The following ATP6V1B1 variants were observed in gnomAD, a reference collection of about 807,000 sequenced individuals.
The protein encoded by ATP6V1B1 is ATPase H+ transporting V1 subunit B1.
ATP6V1B1 carries 41 observed loss-of-function variants against 62.1 expected under a neutral mutation model. The observed-to-expected ratio is 0.66, with a 90% CI of 0.51 to 0.86. The LOEUF (loss-of-function observed/expected upper bound fraction) is 0.86, where lower values mean the gene tolerates loss of function less well. ATP6V1B1 is among the 40% of genes least tolerant of loss of function. The pLI is 0.00. For missense variants in ATP6V1B1, 651 were observed against 697.5 expected (o/e 0.93, Z 0.75); for synonymous variants, 253 against 273.4 (o/e 0.93, Z 0.74).
intron 2 of ATP6V1B1, among the ~76,000 whole-genome samples, chr2:70,946,467 C>T (rs1680177225): frequency 1.3e-5 from 2 of 152,218 alleles, no homozygotes; most frequent in Admixed American, 1.3e-4. Context: ...GGCTCCACCT[C>T]AGACTGACAG....
chr2:70,961,930 A>C, intron 8 of ATP6V1B1: 1 of 569,660 alleles, frequency 1.8e-6, no homozygotes, highest in Non-Finnish European at 3.2e-6. Flanking sequence ...CTCTTCCCAC[A>C]ACCCATGTCC....
At chr2:70,955,219 C>T (rs190337804) in intron 2 of ATP6V1B1, among the ~76,000 whole-genome samples, 218 of 152,222 alleles carry the variant, frequency 1.4e-3, no homozygotes, top group African/African-American at 4.9e-3. Context: ...CCCAGGCTGA[C>T]GTGGGACATG....
chr2:70,937,808 G>A lies in ATP6V1B1; in HGVS notation c.118+1736G>A, dbSNP rs144271351. The stretch of plus-strand genomic sequence containing the variant: ...TACCATCTAACCCCACACTCCTCTG[G>A]GCAGGTTGGCCCAAGCCTGGAGCCA... On this transcript the variant is annotated intron_variant, in intron 1 of 13. Transcript: ENST00000234396. Among the ~76,000 whole-genome samples the A allele has an allele frequency of 7.5e-3, 1,145 of 152,082 alleles. 8 individuals carry two copies. The highest frequency in any genetic ancestry group is 0.017 in the Middle Eastern group (5 of 294).
rs1680520428 is a variant in ATP6V1B1, at chr2:70,959,215, T to G, written c.445+120T>G. On this transcript the variant is annotated intron_variant, in intron 5 of 13. Coordinates refer to ENST00000234396, the MANE Select transcript of ATP6V1B1 (RefSeq NM_001692.4). This position sits in a 1 kb window ranked among gnomAD's most constrained non-coding sequence, Gnocchi z 4.2. The stretch of plus-strand genomic sequence containing the variant: ...GTGATGGGAGAGCAGCAAAGGCCTC[T>G]CTATCCCCAAATCTTCCACTGAACC... 9.3e-7 allele frequency: 1 copy of G among 1,072,794 alleles called. No individual in the cohort carries two copies. The highest frequency in any genetic ancestry group is 1.6e-5 in the African/African-American group (1 of 64,202). 66.5% of individuals were successfully genotyped at this position (1,072,794 alleles called of 1,614,324 possible). A position where few individuals can be genotyped will look rare whatever the true frequency, so the allele number is the denominator to read the frequency against.
chr2:70,958,938 G>A, intron 4 of ATP6V1B1, 80 bp from the exon 5 acceptor site: 1 of 1,388,490 alleles, frequency 7.2e-7, no homozygotes, highest in Non-Finnish European at 1.0e-6. Flanking sequence ...GTGGGAGCTG[G>A]TGGTGGTGTG....
chr2:70,965,240 G>A lies in ATP6V1B1; in HGVS notation c.*119G>A, dbSNP rs1680697498. 4 of 1,423,120 alleles carry A rather than the reference G, an allele frequency of 2.8e-6. No homozygotes were observed. Among genetic ancestry groups the A allele is most frequent in the Non-Finnish European group, 3.8e-6 (4 of 1,043,490 alleles). 88.2% of individuals were successfully genotyped at this position (1,423,120 alleles called of 1,614,324 possible). A position where few individuals can be genotyped will look rare whatever the true frequency, so the allele number is the denominator to read the frequency against. ...CCGCCCTCCGCCCTCCGCTGGCTCC[G>A]AGGTGGTGGGGGCGCCGCACGCTCC... is the stretch of plus-strand genomic sequence containing the variant. On this transcript the variant is annotated 3_prime_UTR_variant, in exon 14 of 14. Transcript: ENST00000234396.
Position 70,941,047 on chromosome 2 carries a change from G to A in ATP6V1B1, c.119-2611G>A, listed in dbSNP as rs114287584. 4.1e-3 allele frequency: 2,177 copies of A among 529,636 alleles called. 53 individuals are homozygous for A. The African/African-American group carries it at 0.042, about 10-fold the overall frequency. The allele number at this position is 529,636 out of a possible 1,614,324, so 32.8% of individuals were successfully genotyped here. On this transcript the variant is annotated intron_variant, in intron 1 of 13. Coordinates refer to ENST00000234396, the MANE Select transcript of ATP6V1B1 (RefSeq NM_001692.4). ...ATCCTCCCACCTCAGCCTCCTGAGA[G>A]CTGGGACCACAGGCACGTTCCACCA...
chr2:70,945,411 C>T lies in ATP6V1B1; in HGVS notation c.174+1698C>T, dbSNP rs551163683. Among the ~76,000 whole-genome samples the T allele has an allele frequency of 1.5e-4, 23 of 152,116 alleles. No individual in the cohort carries two copies. The South Asian group carries it at 4.8e-3, about 32-fold the overall frequency. On this transcript the variant is annotated intron_variant, in intron 2 of 13. Coordinates refer to ENST00000234396, the MANE Select transcript of ATP6V1B1 (RefSeq NM_001692.4). ...ACTTTCCCATTCAAGATCACAGAAG[C>T]CCTGAGTTCTCTCTGTAGACTCTGA...
intron 1 of ATP6V1B1, chr2:70,940,593 G>A: frequency 1.0e-6 from 1 of 985,446 alleles, no homozygotes; most frequent in Non-Finnish European, 1.2e-6. Flanking sequence ...TTGATGGGAA[G>A]GGTAATGCCC....
chr2:70,962,196 C>G (rs1461204487), intron 8 of ATP6V1B1, among the ~76,000 whole-genome samples: 2 of 152,144 alleles, frequency 1.3e-5, no homozygotes, highest in Non-Finnish European at 2.9e-5. Context: ...CTGAGAGTGT[C>G]TGAAGCTGAG....
intron 1 of ATP6V1B1, among the ~76,000 whole-genome samples, chr2:70,939,156 C>T (rs1394824309): frequency 1.3e-5 from 2 of 152,258 alleles, no homozygotes; most frequent in East Asian, 3.8e-4. Context: ...TGTGGCTGGG[C>T]CAGCGCTAAT....
At chr2:70,952,756 T>C (rs1295423674) in intron 2 of ATP6V1B1, among the ~76,000 whole-genome samples, 1 of 152,186 alleles carries the variant, frequency 6.6e-6, no homozygotes, top group East Asian at 1.9e-4. Flanking sequence ...GTTTTCCTTT[T>C]GGCTCTATCT....
intron 1 of ATP6V1B1, chr2:70,938,707 G>A: frequency 1.0e-6 from 1 of 985,426 alleles, no homozygotes; most frequent in South Asian, 4.7e-5. Flanking sequence ...CGTGGAGCTA[G>A]AATGGTTCCC....
intron 2 of ATP6V1B1, among the ~76,000 whole-genome samples, chr2:70,950,911 T>C (rs1553418200): frequency 6.6e-6 from 1 of 150,790 alleles, no homozygotes; most frequent in East Asian, 1.9e-4. Flanking sequence ...TGTGTGACTG[T>C]GTGTGCATAA....
rs782357286 is a variant in ATP6V1B1, at chr2:70,963,616, G to A, written c.1105G>A (p.Gly369Arg). 4 of 1,614,028 alleles carry A rather than the reference G, an allele frequency of 2.5e-6. No homozygotes were observed. Among genetic ancestry groups the A allele is most frequent in the African/African-American group, 1.3e-5 (1 of 74,890 alleles). ...AGACTTGACGGGCTTCATCACAGAG[G>A]GACAGATCTACGTGGACAGACAGCT... ...IPDLTGFITEGQIYVDRQLHN... is the reference protein window; with the variant it reads ...IPDLTGFITERQIYVDRQLHN... The change falls in exon 11 of 14, where the codon GGA (glycine) becomes AGA (arginine). Residue 369 changes from glycine (G) to arginine (R), a missense_variant. Coordinates refer to ENST00000234396, the MANE Select transcript of ATP6V1B1 (RefSeq NM_001692.4). The surrounding 1 kb of genome is among the most constrained non-coding windows in gnomAD (Gnocchi z 4.3).
At chr2:70,950,933 T>A (rs1553418203) in intron 2 of ATP6V1B1, among the ~76,000 whole-genome samples, 1 of 48,878 alleles carries the variant, frequency 2.0e-5, no homozygotes, top group East Asian at 4.3e-4. Flanking sequence ...TTTTTCCTGA[T>A]TTTTTTTTTT....
chr2:70,964,112 G>GTTTTTTTTTTTTTTTTTTT (rs1330555546), intron 11 of ATP6V1B1: 3 of 157,310 alleles, frequency 1.9e-5, no homozygotes, highest in African/African-American at 1.6e-4. Flanking sequence ...TGCTTGGCAG[G>GTTTTTTTTTTTTTTTTTTT]TATTTTTTTT....
At chr2:70,947,292 C>G (rs1429340152) in intron 2 of ATP6V1B1, among the ~76,000 whole-genome samples, 1 of 152,142 alleles carries the variant, frequency 6.6e-6, no homozygotes, top group Non-Finnish European at 1.5e-5. Context: ...ATAAGTTGAA[C>G]AAGCATCAGA....
intron 9 of ATP6V1B1, 48 bp downstream of exon 9, chr2:70,962,948 A>G: frequency 6.2e-7 from 1 of 1,612,140 alleles, no homozygotes; most frequent in Non-Finnish European, 8.5e-7. Context: ...CCCCTCCCTA[A>G]GCCTGACACC....
Sources: allele counts gnomAD v4.1 joint callset (sites outside exome capture counted in the v4.1 genomes callset), GRCh38; gene constraint gnomAD v4.1.1; non-coding constraint Gnocchi (gnomAD v3.1); transcripts MANE v1.5; gene names NCBI Gene and HGNC (gene_info 2026-07-23, HGNC 2026-07-21).